Variants in B3GALT1 observed in about 807,000 individuals in gnomAD.
The protein encoded by B3GALT1 is UDP-Gal:betaGlcNAc beta 1,3-galactosyltransferase, polypeptide 1.
A neutral mutation model predicts 23.2 loss-of-function variants in B3GALT1; 10 were observed. The observed-to-expected ratio is 0.43, with a 90% CI of 0.27 to 0.73. The LOEUF is 0.73. Among genes scored for constraint, B3GALT1 ranks in the 30% least tolerant of loss-of-function variants. The pLI is 0.21. For synonymous variants in B3GALT1, 156 were observed against 141.5 expected, an observed-to-expected ratio of 1.10 and a Z score of -0.73; for missense variants, 299 against 405.4, an observed-to-expected ratio of 0.74 and a Z score of 2.25.
At chr2:167,715,278 G>A in intron 3 of B3GALT1, 3 of 1,613,916 alleles carry the variant, frequency 1.9e-6, no homozygotes, top group Non-Finnish European at 2.5e-6. Flanking sequence ...GTCTTGATGT[G>A]ATTTTCTTTA....
intron 1 of B3GALT1, among the ~76,000 whole-genome samples, chr2:167,488,355 C>T (rs1263320632): frequency 1.3e-5 from 2 of 152,246 alleles, no homozygotes; most frequent in African/African-American, 4.8e-5. Flanking sequence ...TTTCCCCCAA[C>T]AGACTCTAAT....
At chr2:167,334,604 A>G (rs1697030934) in intron 1 of B3GALT1, among the ~76,000 whole-genome samples, 1 of 152,192 alleles carries the variant, frequency 6.6e-6, no homozygotes, top group South Asian at 2.1e-4. Context: ...GAGCAATAAA[A>G]ATAATAAAAA....
intron 4 of B3GALT1, among the ~76,000 whole-genome samples, chr2:167,858,732 A>G (rs973095986): frequency 3.9e-5 from 6 of 152,216 alleles, no homozygotes; most frequent in Admixed American, 2.0e-4. Flanking sequence ...CAGCAGCTAC[A>G]TAAAATTATG....
At chr2:167,812,298 A>C (rs1170640731) in intron 3 of B3GALT1, among the ~76,000 whole-genome samples, 1 of 152,200 alleles carries the variant, frequency 6.6e-6, no homozygotes, top group East Asian at 1.9e-4. Flanking sequence ...ACTTTCCAAA[A>C]TTTGTTTGTA....
At chr2:167,653,961 G>A (rs756002582) in intron 3 of B3GALT1, among the ~76,000 whole-genome samples, 3 of 152,120 alleles carry the variant, frequency 2.0e-5, no homozygotes, top group Non-Finnish European at 2.9e-5. Flanking sequence ...TGTGGAGTTG[G>A]TAGGCAAAGT....
intron 1 of B3GALT1, among the ~76,000 whole-genome samples, chr2:167,399,654 T>C (rs944797652): frequency 1.3e-5 from 2 of 152,022 alleles, no homozygotes; most frequent in South Asian, 4.1e-4. Context: ...ATTTTTTCAA[T>C]TATATAGCAA....
intron 1 of B3GALT1, among the ~76,000 whole-genome samples, chr2:167,409,745 T>C (rs886680845): frequency 6.6e-6 from 1 of 151,924 alleles, no homozygotes; most frequent in Non-Finnish European, 1.5e-5. Context: ...CTCATGCCAG[T>C]TAGAATGGCG....
chr2:167,714,456 G>A, intron 3 of B3GALT1: 1 of 1,594,786 alleles, frequency 6.3e-7, no homozygotes, highest in South Asian at 1.1e-5. Flanking sequence ...AAAGTTTGAG[G>A]AGAGAGAAAA....
chr2:167,482,587 T>C (rs1433141306), intron 1 of B3GALT1, among the ~76,000 whole-genome samples: 1 of 152,210 alleles, frequency 6.6e-6, no homozygotes, highest in Non-Finnish European at 1.5e-5. Context: ...CGAACCCCAG[T>C]GTTAAATCAT....
intron 4 of B3GALT1, among the ~76,000 whole-genome samples, chr2:167,862,009 T>C (rs1690110802): frequency 6.6e-6 from 1 of 152,194 alleles, no homozygotes; most frequent in African/African-American, 2.4e-5. Flanking sequence ...TCCTGCAACC[T>C]TGCCCATGGT....
At chr2:167,306,096 C>T (rs530559382) in intron 1 of B3GALT1, among the ~76,000 whole-genome samples, 1 of 151,942 alleles carries the variant, frequency 6.6e-6, no homozygotes, top group South Asian at 2.1e-4. Flanking sequence ...GGAATCTATT[C>T]TAAGGAAATA....
chr2:167,618,755 G>T (rs1255502459), intron 2 of B3GALT1, among the ~76,000 whole-genome samples: 3 of 151,906 alleles, frequency 2.0e-5, no homozygotes, highest in East Asian at 3.9e-4. Context: ...TTAATAGAAT[G>T]TCTCTCAGAG....
intron 3 of B3GALT1, among the ~76,000 whole-genome samples, chr2:167,762,142 T>A (rs142384325): frequency 1.3e-5 from 2 of 152,284 alleles, no homozygotes; most frequent in African/African-American, 4.8e-5. Context: ...AATTAAAAAG[T>A]GAACACCCAG....
chr2:167,353,512 T>C (rs1056771519), intron 1 of B3GALT1, among the ~76,000 whole-genome samples: 8 of 152,136 alleles, frequency 5.3e-5, no homozygotes, highest in African/African-American at 1.9e-4. Flanking sequence ...TATATAAGCA[T>C]TCTCAATGTT....
chr2:167,375,122 A>C (rs1268052940), intron 1 of B3GALT1, among the ~76,000 whole-genome samples: 3 of 151,890 alleles, frequency 2.0e-5, no homozygotes, highest in Admixed American at 6.6e-5. Flanking sequence ...TTTTTTGTCA[A>C]CTTTGTTGAA....
At chr2:167,724,134 C>T (rs1406546717) in intron 3 of B3GALT1, among the ~76,000 whole-genome samples, 1 of 152,184 alleles carries the variant, frequency 6.6e-6, no homozygotes, top group African/African-American at 2.4e-5. Flanking sequence ...GTCAATTCAA[C>T]CATGCCTGGT....
At chr2:167,424,654 G>A (rs562289569) in intron 1 of B3GALT1, among the ~76,000 whole-genome samples, 1 of 152,246 alleles carries the variant, frequency 6.6e-6, no homozygotes, top group South Asian at 2.1e-4. Flanking sequence ...TATTTAGATT[G>A]AGACAAGTCT....
chr2:167,628,846 G>T (rs986115210), intron 2 of B3GALT1, among the ~76,000 whole-genome samples: 1 of 151,762 alleles, frequency 6.6e-6, no homozygotes, highest in Non-Finnish European at 1.5e-5. Context: ...ATTCAATGGA[G>T]TGAGGTGGTG....
At chr2:167,838,846 A>C (rs1689558169) in intron 4 of B3GALT1, among the ~76,000 whole-genome samples, 1 of 152,230 alleles carries the variant, frequency 6.6e-6, no homozygotes, top group Non-Finnish European at 1.5e-5. Context: ...AGTGGGCTTC[A>C]TCCCTGGGAT....
Sources: allele counts gnomAD v4.1 joint callset (sites outside exome capture counted in the v4.1 genomes callset), GRCh38; gene constraint gnomAD v4.1.1; transcripts MANE v1.5; gene names NCBI Gene and HGNC (gene_info 2026-07-23, HGNC 2026-07-21).